Variants in ROBO2 observed in about 807,000 individuals in gnomAD.
ROBO2 encodes the protein roundabout guidance receptor 2.
ROBO2 carries 53 observed loss-of-function variants against 160.8 expected under a neutral mutation model. The ratio of observed to expected loss-of-function variants is 0.33; its 90% CI spans 0.26 to 0.41. The LOEUF (loss-of-function observed/expected upper bound fraction) is 0.41. Ranked by LOEUF, ROBO2 falls within the 10% of genes least tolerant of loss-of-function variation. The pLI, the probability that ROBO2 is intolerant of heterozygous loss-of-function variation, is 1.00. For missense variants in ROBO2, 1,577 were observed against 1,722.4 expected (o/e 0.92, Z 1.49); for synonymous variants, 664 against 611.7 (o/e 1.09, Z -1.26).
chr3:77,544,945 C>G (rs1226445282), intron 6 of ROBO2, among the ~76,000 whole-genome samples: 1 of 152,020 alleles, frequency 6.6e-6, no homozygotes, highest in Non-Finnish European at 1.5e-5. Flanking sequence ...ACTTTATTCT[C>G]TCTCAAGATC....
intron 1 of ROBO2, among the ~76,000 whole-genome samples, chr3:75,922,088 G>T (rs559316970): frequency 6.6e-6 from 1 of 152,208 alleles, no homozygotes; most frequent in Non-Finnish European, 1.5e-5. Context: ...ATAATTTCAT[G>T]TTACATAATC....
intron 1 of ROBO2, among the ~76,000 whole-genome samples, chr3:77,044,461 T>A (rs113719486): frequency 9.1e-4 from 138 of 152,252 alleles, no homozygotes; most frequent in Non-Finnish European, 1.7e-3. Flanking sequence ...CTATTTCTCC[T>A]TTTTCTCCTT....
intron 2 of ROBO2, among the ~76,000 whole-genome samples, chr3:76,763,607 G>A (rs564079391): frequency 4.7e-4 from 71 of 151,394 alleles, no homozygotes; most frequent in Middle Eastern, 6.8e-3. Context: ...TTCAAGACTT[G>A]ATTTATGTTC....
At chr3:76,626,880 C>G (rs916284907) in intron 2 of ROBO2, among the ~76,000 whole-genome samples, 1 of 151,930 alleles carries the variant, frequency 6.6e-6, no homozygotes, top group African/African-American at 2.4e-5. Context: ...TTAGTGGAGA[C>G]GAAGTTTCAC....
At chr3:77,330,983 T>C (rs1040936517) in intron 2 of ROBO2, among the ~76,000 whole-genome samples, 7 of 152,208 alleles carry the variant, frequency 4.6e-5, no homozygotes, top group Admixed American at 3.9e-4. Flanking sequence ...TAGTATTCTG[T>C]ATGATGTAGA....
At chr3:77,608,892 C>T (rs1044777346) in intron 21 of ROBO2, among the ~76,000 whole-genome samples, 1 of 151,576 alleles carries the variant, frequency 6.6e-6, no homozygotes, top group Non-Finnish European at 1.5e-5. Context: ...ATTATCTTGG[C>T]TTAAAAAATC....
intron 1 of ROBO2, among the ~76,000 whole-genome samples, chr3:77,078,350 A>G (rs2149898715): frequency 6.6e-6 from 1 of 152,320 alleles, no homozygotes; most frequent in East Asian, 1.9e-4. Context: ...CTGTCTAAGT[A>G]TGCTACATAT....
At chr3:76,767,701 T>G (rs2061651004) in intron 2 of ROBO2, among the ~76,000 whole-genome samples, 1 of 151,574 alleles carries the variant, frequency 6.6e-6, no homozygotes, top group African/African-American at 2.4e-5. Flanking sequence ...TAAACTTTTT[T>G]GCTTTATTTT....
At chr3:76,753,552 GTTGT>G (rs1426376697) in intron 2 of ROBO2, among the ~76,000 whole-genome samples, 22 of 151,790 alleles carry the variant, frequency 1.4e-4, no homozygotes. Flanking sequence ...CAAGTGGAAG[GTTGT>G]TTGAGCATTA....
intron 2 of ROBO2, among the ~76,000 whole-genome samples, chr3:76,693,389 A>G (rs544465776): frequency 6.6e-6 from 1 of 151,246 alleles, no homozygotes; most frequent in Admixed American, 6.6e-5. Flanking sequence ...ATCCCTATAT[A>G]TGTATGTGTA....
At chr3:77,587,897 AT>A (rs1231242688) in intron 16 of ROBO2, among the ~76,000 whole-genome samples, 1 of 152,098 alleles carries the variant, frequency 6.6e-6, no homozygotes, top group Non-Finnish European at 1.5e-5. Flanking sequence ...AATCTGCTAA[AT>A]AAGCCAATAA....
At chr3:76,310,470 G>A (rs187907617) in intron 2 of ROBO2, among the ~76,000 whole-genome samples, 29 of 152,296 alleles carry the variant, frequency 1.9e-4, no homozygotes, top group African/African-American at 6.3e-4. Flanking sequence ...CTGCAACTAC[G>A]TATTGAGAAC....
chr3:77,385,995 A>C (rs557752965), intron 2 of ROBO2, among the ~76,000 whole-genome samples: 1 of 152,316 alleles, frequency 6.6e-6, no homozygotes, highest in African/African-American at 2.4e-5. Context: ...CATGTAAGTC[A>C]ATTTGTAATG....
chr3:76,434,017 T>A, intron 2 of ROBO2: 1 of 1,149,012 alleles, frequency 8.7e-7, no homozygotes, highest in South Asian at 1.2e-5. Flanking sequence ...GGTGGTTCAT[T>A]ATGGCTGACA....
At chr3:76,175,337 C>G (rs1053275330) in intron 2 of ROBO2, among the ~76,000 whole-genome samples, 6 of 151,974 alleles carry the variant, frequency 3.9e-5, no homozygotes, top group Non-Finnish European at 8.8e-5. Flanking sequence ...TTGACTTACT[C>G]TCTTTCTATT....
chr3:77,406,106 T>G (rs62249793), intron 2 of ROBO2, among the ~76,000 whole-genome samples: 11,687 of 152,100 alleles, frequency 0.077, 530 homozygotes, highest in African/African-American at 0.099. Flanking sequence ...TGGCAGAAGG[T>G]GAAGGGAAAG....
intron 2 of ROBO2, among the ~76,000 whole-genome samples, chr3:77,285,101 G>A (rs1441959): frequency 0.3 from 46,202 of 151,944 alleles, 7,383 homozygotes; most frequent in Non-Finnish European, 0.35. Flanking sequence ...TTAATCTTTG[G>A]TGATAGAAAA....
intron 6 of ROBO2, among the ~76,000 whole-genome samples, chr3:77,540,341 A>G (rs1218275943): frequency 2.0e-5 from 3 of 152,158 alleles, no homozygotes; most frequent in East Asian, 1.9e-4. Flanking sequence ...GATATGACAA[A>G]TTTTTAGTTA....
intron 2 of ROBO2, among the ~76,000 whole-genome samples, chr3:76,382,770 A>G (rs2076700442): frequency 6.6e-6 from 1 of 152,226 alleles, no homozygotes; most frequent in African/African-American, 2.4e-5. Flanking sequence ...GAGAACATGG[A>G]GAAAATGGGT....
Sources: allele counts gnomAD v4.1 joint callset (sites outside exome capture counted in the v4.1 genomes callset), GRCh38; gene constraint gnomAD v4.1.1; transcripts MANE v1.5; gene names NCBI Gene and HGNC (gene_info 2026-07-23, HGNC 2026-07-21).